PTPN13: variants seen among roughly 807,000 people sequenced by gnomAD.
PTPN13 encodes tyrosine-protein phosphatase non-receptor type 13.
PTPN13 carries 191 observed loss-of-function variants against 284.0 expected under a neutral mutation model. The observed-to-expected ratio is 0.67, with a 90% CI of 0.60 to 0.76. The LOEUF (loss-of-function observed/expected upper bound fraction) is 0.76. Ranked by LOEUF, PTPN13 falls within the 30% of genes least tolerant of loss-of-function variation. The pLI is 0.00. For synonymous variants in PTPN13, 986 were observed against 1,022.3 expected (o/e 0.96, Z 0.68); for missense variants, 2,797 against 2,939.9 (o/e 0.95, Z 1.12).
chr4:86,752,426 A>T (rs956155872), intron 19 of PTPN13, among the ~76,000 whole-genome samples: 1 of 152,170 alleles, frequency 6.6e-6, no homozygotes, highest in Non-Finnish European at 1.5e-5. Flanking sequence ...TCAGTCAGTT[A>T]AAAAAACTTA....
At chr4:86,654,957 A>G (rs1009972075) in intron 2 of PTPN13, among the ~76,000 whole-genome samples, 8 of 152,178 alleles carry the variant, frequency 5.3e-5, no homozygotes, top group African/African-American at 1.9e-4. Flanking sequence ...TAGGACAGTT[A>G]ACTCTTCTTG....
At chr4:86,622,423 C>G (rs1027019661) in intron 1 of PTPN13, among the ~76,000 whole-genome samples, 1 of 152,038 alleles carries the variant, frequency 6.6e-6, no homozygotes, top group African/African-American at 2.4e-5. Flanking sequence ...TGTATGTTAA[C>G]GAAGGGTAGT....
chr4:86,738,110 T>C (rs1173062268), intron 15 of PTPN13, among the ~76,000 whole-genome samples: 1 of 152,202 alleles, frequency 6.6e-6, no homozygotes, highest in Admixed American at 6.5e-5. Context: ...AGTTTTTCTT[T>C]GTGCAGATAC....
rs1015200214 is a variant in PTPN13 at position 86,759,154 on chromosome 4, GATTC to G, written c.3553+85_3553+88del. The G allele has an allele frequency of 7.7e-6, 11 of 1,421,924 alleles. No homozygotes were observed. In the African/African-American group the frequency reaches 1.4e-4, roughly 18 times the overall value. 88.1% of individuals were successfully genotyped at this position (1,421,924 alleles called of 1,614,324 possible). The stretch of plus-strand genomic sequence containing the variant: ...TTTTAGTGATATTCGCACAAAAATG[GATTC>G]ATTGTGTACAAAATTGATGCAACTT... On this transcript the variant is annotated intron_variant, in intron 23 of 47. Transcript: ENST00000411767.
intron 40 of PTPN13, among the ~76,000 whole-genome samples, chr4:86,793,909 T>C (rs1229610425): frequency 6.6e-6 from 1 of 151,498 alleles, no homozygotes; most frequent in African/African-American, 2.4e-5. Flanking sequence ...GAAGGAAAGA[T>C]CTTGACAGCC....
intron 1 of PTPN13, among the ~76,000 whole-genome samples, chr4:86,600,895 T>C (rs1370582649): frequency 6.6e-6 from 1 of 152,220 alleles, no homozygotes; most frequent in South Asian, 2.1e-4. Flanking sequence ...ATTAGTATTT[T>C]AGAACAGAAG....
At chr4:86,695,767 T>C (rs1201852538) in intron 6 of PTPN13, among the ~76,000 whole-genome samples, 1 of 152,004 alleles carries the variant, frequency 6.6e-6, no homozygotes, top group Non-Finnish European at 1.5e-5. Context: ...CATTTCCTAC[T>C]ACCATTAAGT....
At chr4:86,729,969 C>T (rs895186947) in intron 10 of PTPN13, among the ~76,000 whole-genome samples, 2 of 149,530 alleles carry the variant, frequency 1.3e-5, no homozygotes, top group Non-Finnish European at 3.0e-5. Context: ...GTTTTATTTA[C>T]CTTTGGTCTT....
At chr4:86,725,881 G>A (rs778962371) in intron 10 of PTPN13, among the ~76,000 whole-genome samples, 2 of 149,634 alleles carry the variant, frequency 1.3e-5, no homozygotes, top group Non-Finnish European at 3.0e-5. Flanking sequence ...TGTTAGTCAT[G>A]AAGTCCTTAC....
chr4:86,667,768 G>T (rs1727247739), intron 2 of PTPN13, among the ~76,000 whole-genome samples: 1 of 152,148 alleles, frequency 6.6e-6, no homozygotes, highest in Admixed American at 6.5e-5. Flanking sequence ...ACAATTTCTT[G>T]TGCCTGAATA....
chr4:86,656,002 T>C lies in PTPN13; in HGVS notation c.116-16363T>C, dbSNP rs144090754. ...TTCTTTTCATTTATTTGATCTTCAGTCACTGATACCCTTTCTTCCAGTTGA... is the reference window on the plus strand; with the variant it reads ...TTCTTTTCATTTATTTGATCTTCAGCCACTGATACCCTTTCTTCCAGTTGA... On this transcript the variant is annotated intron_variant, in intron 2 of 47. Transcript: ENST00000411767. 2.4e-3 allele frequency among the ~76,000 whole-genome samples: 359 copies of C among 152,356 alleles called. 1 individual carries two copies. Among genetic ancestry groups the C allele is most frequent in the African/African-American group, 8.3e-3 (345 of 41,582 alleles).
chr4:86,658,978 G>A (rs1008608624), intron 2 of PTPN13, among the ~76,000 whole-genome samples: 9 of 152,064 alleles, frequency 5.9e-5, no homozygotes, highest in Non-Finnish European at 1.2e-4. Flanking sequence ...TCAGAATTTG[G>A]TAGAATTAAA....
chr4:86,773,835 T>A (rs1221108838), intron 32 of PTPN13, among the ~76,000 whole-genome samples: 1 of 152,042 alleles, frequency 6.6e-6, no homozygotes, highest in Non-Finnish European at 1.5e-5. Flanking sequence ...GTAAACAACC[T>A]CCGTGTCTCA....
chr4:86,659,828 C>A (rs1726271450), intron 2 of PTPN13, among the ~76,000 whole-genome samples: 1 of 150,498 alleles, frequency 6.6e-6, no homozygotes, highest in East Asian at 1.9e-4. Flanking sequence ...AAACTACAAC[C>A]ACAACAACAA....
chr4:86,671,728 T>C (rs1727739624), intron 2 of PTPN13, among the ~76,000 whole-genome samples: 1 of 152,166 alleles, frequency 6.6e-6, no homozygotes, highest in South Asian at 2.1e-4. Flanking sequence ...GTAAATAAGA[T>C]AAAATCTAAA....
At chr4:86,698,825 G>A (rs150720857) in intron 6 of PTPN13, among the ~76,000 whole-genome samples, 1 of 152,098 alleles carries the variant, frequency 6.6e-6, no homozygotes, top group Non-Finnish European at 1.5e-5. Flanking sequence ...AGTAAGAAAT[G>A]GGAGATAGCA....
At chr4:86,748,181 T>C (rs530569980) in intron 17 of PTPN13, among the ~76,000 whole-genome samples, 12 of 152,272 alleles carry the variant, frequency 7.9e-5, no homozygotes, top group Non-Finnish European at 1.6e-4. Context: ...GCTGGAGATA[T>C]AAGGAAGCAC....
Position 86,736,192 on chromosome 4 carries a change from T to C in PTPN13, c.2304+446T>C, listed in dbSNP as rs1444308796. ...GGTCTTCCCACTAAATGCCAATTAA[T>C]GTAGATAGGGGTAGAGAGTCACAAA... On this transcript the variant is annotated intron_variant, in intron 15 of 47. Transcript: ENST00000411767. Among the ~76,000 whole-genome samples the C allele has an allele frequency of 5.3e-5, 8 of 152,182 alleles. No individual in the cohort carries two copies. In the East Asian group the frequency reaches 1.5e-3, roughly 29 times the overall value.
In PTPN13 at chr4:86,752,991, A is replaced by T. The variant is rs752664055; in HGVS notation, c.3167-18A>T. On this transcript the variant is annotated intron_variant, in intron 19 of 47. Coordinates refer to ENST00000411767, the MANE Select transcript of PTPN13 (RefSeq NM_080683.3). Reference sequence around the variant, plus strand: ...CTGACCATCTTATGAAATGTCTAATATTTAATTTATGCCACAGGAATGACT... The same window carrying T: ...CTGACCATCTTATGAAATGTCTAATTTTTAATTTATGCCACAGGAATGACT... The T allele has an allele frequency of 6.3e-7, 1 of 1,582,948 alleles. No individual in the cohort carries two copies. The highest frequency in any genetic ancestry group is 8.6e-7 in the Non-Finnish European group (1 of 1,156,786).
Sources: allele counts gnomAD v4.1 joint callset (sites outside exome capture counted in the v4.1 genomes callset), GRCh38; gene constraint gnomAD v4.1.1; transcripts MANE v1.5; gene names NCBI Gene and HGNC (gene_info 2026-07-23, HGNC 2026-07-21).